Variants in PLXNA2 observed in about 807,000 individuals in gnomAD.
The protein encoded by PLXNA2 is plexin A2, also known as plexin-A2.
In PLXNA2, 91 loss-of-function variants were observed where a neutral mutation model predicts 193.5. That is an observed-to-expected ratio of 0.47 (90% CI 0.40 to 0.56). The LOEUF (loss-of-function observed/expected upper bound fraction) is 0.56, where lower values mean the gene tolerates loss of function less well. PLXNA2 is among the 20% of genes least tolerant of loss of function. The pLI is 0.00. For missense variants in PLXNA2, 1,995 were observed against 2,503.2 expected (o/e 0.80, Z 4.33); for synonymous variants, 997 against 1,027.3 (o/e 0.97, Z 0.56).
chr1:208,079,226 A>G (rs2102381193), intron 12 of PLXNA2, 34 bp downstream of exon 12: 1 of 1,571,020 alleles, frequency 6.4e-7, no homozygotes. Context: ...GCTCTTGGCC[A>G]CCCCTTCCTG....
chr1:208,172,040 G>A (rs1669511835), intron 3 of PLXNA2, among the ~76,000 whole-genome samples: 2 of 133,356 alleles, frequency 1.5e-5, no homozygotes, highest in Admixed American at 1.5e-4. Flanking sequence ...AAAAAAAAAG[G>A]CAAAACCCGC....
At position 208,199,263 on chromosome 1, in the gene PLXNA2, A is replaced by G. The variant is rs560964326; in HGVS notation, c.1371+11017T>C. 3.9e-5 allele frequency among the ~76,000 whole-genome samples: 6 copies of G among 152,324 alleles called. No individual in the cohort carries two copies. The East Asian group carries it at 9.6e-4, about 24-fold the overall frequency. On this transcript the variant is annotated intron_variant, in intron 3 of 31. Coordinates refer to ENST00000367033, the MANE Select transcript of PLXNA2 (RefSeq NM_025179.4). ...CCTGGTCACCCTAGATCAAGGTTGT[A>G]TGGTCAGGCCTGGTACAAGAAGCTC...
chr1:208,054,511 G>T lies in PLXNA2; in HGVS notation c.2766C>A (p.Leu922=). 2.5e-6 allele frequency: 4 copies of T among 1,614,124 alleles called. No individual in the cohort carries two copies. The highest frequency in any genetic ancestry group is 1.7e-5 in the Admixed American group (1 of 60,032). The change falls in exon 14 of 32, where the codon CTC becomes CTA. Residue 922 remains leucine, a synonymous_variant. Transcript: ENST00000367033. ...GTACTGGCCCGGAGGTGGTTCCCAC[G>T]AGGGCATGGCCCATCTCACAGACAA... ...EQIVCEMGHA[L]VGTTSGPVRL...
At chr1:208,144,464 T>G (rs1668547776) in intron 3 of PLXNA2, among the ~76,000 whole-genome samples, 1 of 152,032 alleles carries the variant, frequency 6.6e-6, no homozygotes, top group Non-Finnish European at 1.5e-5. Flanking sequence ...AGACCATGAG[T>G]CCATCGTGGG....
intron 2 of PLXNA2, among the ~76,000 whole-genome samples, chr1:208,213,869 C>CCT (rs1671041325): frequency 6.6e-6 from 1 of 152,192 alleles, no homozygotes; most frequent in African/African-American, 2.4e-5. Context: ...CTCACTGTCA[C>CCT]CTCTCTCCCA....
chr1:208,132,783 AG>A (rs1375389836), intron 4 of PLXNA2, among the ~76,000 whole-genome samples: 2 of 152,190 alleles, frequency 1.3e-5, no homozygotes, highest in African/African-American at 2.4e-5. Context: ...AGCGGGTAGT[AG>A]GTTCCTGGTA....
chr1:208,142,540 G>T, intron 3 of PLXNA2, 77 bp from the exon 4 acceptor site: 1 of 1,411,508 alleles, frequency 7.1e-7, no homozygotes. Flanking sequence ...GCCCAGAGCA[G>T]GTAGCTTACA....
At position 208,023,019 on chromosome 1, in the gene PLXNA2, A is replaced by G. The variant is rs1477602043; in HGVS notation, c.*4224T>C. ...TGAGCTCCAGATACTAAAACGTCAC[A>G]CTTCAGGGAAACTAGGGAAGAGAGA... is the stretch of plus-strand genomic sequence containing the variant. On this transcript the variant is annotated 3_prime_UTR_variant, in exon 32 of 32. Coordinates refer to ENST00000367033, the MANE Select transcript of PLXNA2 (RefSeq NM_025179.4). The G allele has an allele frequency of 6.6e-6, 1 of 152,188 alleles. No individual in the cohort carries two copies. Among genetic ancestry groups the G allele is most frequent in the Non-Finnish European group, 1.5e-5 (1 of 68,038 alleles). 9.4% of individuals were successfully genotyped at this position (152,188 alleles called of 1,614,324 possible).
At chr1:208,090,323 C>G (rs1482309001) in intron 9 of PLXNA2, among the ~76,000 whole-genome samples, 1 of 152,148 alleles carries the variant, frequency 6.6e-6, no homozygotes, top group Non-Finnish European at 1.5e-5. Flanking sequence ...CCACAGACAT[C>G]AAGGACAGAA....
chr1:208,099,063 G>A (rs1238148157), intron 5 of PLXNA2, 94 bp from the exon 6 acceptor site: 1 of 1,478,752 alleles, frequency 6.8e-7, no homozygotes, highest in Non-Finnish European at 9.2e-7. Context: ...TTGCTGCCCT[G>A]AGGCCTGTGT....
intron 3 of PLXNA2, among the ~76,000 whole-genome samples, chr1:208,157,991 C>A (rs754861143): frequency 7.2e-5 from 11 of 152,206 alleles, no homozygotes; most frequent in Admixed American, 2.0e-4. Flanking sequence ...CCCAGCCAGG[C>A]CAAAGCATTC....
intron 4 of PLXNA2, among the ~76,000 whole-genome samples, chr1:208,137,335 C>T (rs542488071): frequency 6.6e-6 from 1 of 152,344 alleles, no homozygotes; most frequent in Non-Finnish European, 1.5e-5. Context: ...TTGCTTCCAT[C>T]CCTATACTCT....
intron 4 of PLXNA2, among the ~76,000 whole-genome samples, chr1:208,138,090 A>G (rs1162946391): frequency 6.6e-6 from 1 of 152,236 alleles, no homozygotes; most frequent in Non-Finnish European, 1.5e-5. Flanking sequence ...GGACTTTTAG[A>G]GAACTTGAAA....
intron 3 of PLXNA2, among the ~76,000 whole-genome samples, chr1:208,198,603 G>A (rs185105866): frequency 0.013 from 1,910 of 152,292 alleles, 46 homozygotes; most frequent in Non-Finnish European, 0.012. Context: ...CTGAGGAGAG[G>A]GACACAAGGA....
In PLXNA2 at chr1:208,027,033, A is replaced by G. The variant is rs1033007053; in HGVS notation, c.*210T>C. On this transcript the variant is annotated 3_prime_UTR_variant, in exon 32 of 32. Transcript: ENST00000367033. ...GGGTTCTCTGGTGTTCTCACTGAGG[A>G]TGGACGACGCCCACTGTCTCTCCCA... 7.9e-6 allele frequency: 4 copies of G among 506,728 alleles called. No individual in the cohort carries two copies. Among genetic ancestry groups the G allele is most frequent in the African/African-American group, 7.7e-5 (4 of 51,904 alleles). The allele number at this position is 506,728 out of a possible 1,614,324, so 31.4% of individuals were successfully genotyped here.
chr1:208,143,478 G>A (rs1332496140), intron 3 of PLXNA2, among the ~76,000 whole-genome samples: 1 of 152,184 alleles, frequency 6.6e-6, no homozygotes, highest in Non-Finnish European at 1.5e-5. Context: ...GTTCAATGCT[G>A]ACCTCAAAGA....
intron 2 of PLXNA2, among the ~76,000 whole-genome samples, chr1:208,213,746 T>C (rs1180910382): frequency 6.6e-6 from 1 of 152,218 alleles, no homozygotes; most frequent in East Asian, 1.9e-4. Flanking sequence ...GTCTTAGTTC[T>C]TTGGAGTATC....
chr1:208,067,022 G>A (rs1665819415), intron 12 of PLXNA2, among the ~76,000 whole-genome samples: 2 of 151,552 alleles, frequency 1.3e-5, no homozygotes, highest in South Asian at 2.1e-4. Context: ...GAGTCAAAAG[G>A]TTAAAAAATT....
chr1:208,091,535 T>C (rs1464208449), intron 9 of PLXNA2, among the ~76,000 whole-genome samples: 1 of 152,186 alleles, frequency 6.6e-6, no homozygotes, highest in African/African-American at 2.4e-5. Flanking sequence ...AGTCCTTGCC[T>C]TCAAGGAGCT....
Sources: gnomAD v4.1 joint callset for allele counts (sites outside exome capture counted in the v4.1 genomes callset) on GRCh38, gnomAD v4.1.1 for gene constraint, MANE v1.5 for transcripts, NCBI Gene and HGNC (gene_info 2026-07-23, HGNC 2026-07-21) for gene names.